ATP8A1: variants seen among roughly 807,000 people sequenced by gnomAD.
The protein encoded by ATP8A1 is ATPase phospholipid transporting 8A1.
ATP8A1 carries 90 observed loss-of-function variants against 177.7 expected under a neutral mutation model. The observed-to-expected ratio is 0.51, with a 90% CI of 0.43 to 0.60. ATP8A1 has a LOEUF of 0.60. Ranked by LOEUF, ATP8A1 falls within the 20% of genes least tolerant of loss-of-function variation. The probability of loss-of-function intolerance (pLI) is 0.00; values close to 1 mark genes in which losing one functional copy is unlikely to be tolerated. For synonymous variants in ATP8A1, 493 were observed against 485.9 expected, an observed-to-expected ratio of 1.01 and a Z score of -0.19; for missense variants, 1,072 against 1,392.8, an observed-to-expected ratio of 0.77 and a Z score of 3.67.
Position 42,639,620 on chromosome 4 carries a change from C to G in ATP8A1, c.50-12511G>C, listed in dbSNP as rs76940962. 3.9e-3 allele frequency among the ~76,000 whole-genome samples: 596 copies of G among 152,222 alleles called. 4 individuals are homozygous for G. The highest frequency in any genetic ancestry group is 0.013 in the African/African-American group (559 of 41,530). ...TAACTGCTCTAAATGAATTCCTAGC[C>G]TATAGTAAATACATATATGTATGTG... On this transcript the variant is annotated intron_variant, in intron 1 of 36. Coordinates refer to ENST00000381668, the MANE Select transcript of ATP8A1 (RefSeq NM_006095.2).
chr4:42,521,525 T>C (rs919135714), intron 22 of ATP8A1, among the ~76,000 whole-genome samples: 1 of 152,252 alleles, frequency 6.6e-6, no homozygotes, highest in African/African-American at 2.4e-5. Flanking sequence ...TCGATCATAA[T>C]GTATCCATCA....
chr4:42,530,029 T>C lies in ATP8A1; in HGVS notation c.1723-5182A>G, dbSNP rs992814055. Among the ~76,000 whole-genome samples, 104 of 152,160 alleles carry C rather than the reference T, an allele frequency of 6.8e-4. 2 individuals are homozygous for C. Among genetic ancestry groups the C allele is most frequent in the Non-Finnish European group, 2.8e-4 (19 of 68,026 alleles). ...TGAAGATATTTGTATCCCATGTGAGTGCTCACCAACGGGTAATCTCAGCAG... is the reference window on the plus strand; with the variant it reads ...TGAAGATATTTGTATCCCATGTGAGCGCTCACCAACGGGTAATCTCAGCAG... On this transcript the variant is annotated intron_variant, in intron 20 of 36. Transcript: ENST00000381668.
chr4:42,535,947 G>T (rs1159161444), intron 20 of ATP8A1, among the ~76,000 whole-genome samples: 1 of 152,010 alleles, frequency 6.6e-6, no homozygotes, highest in Non-Finnish European at 1.5e-5. Flanking sequence ...AAAACCTCTG[G>T]GACACAGCAC....
chr4:42,454,832 T>C (rs565123101), intron 29 of ATP8A1, among the ~76,000 whole-genome samples: 14 of 152,164 alleles, frequency 9.2e-5, no homozygotes, highest in Non-Finnish European at 1.6e-4. Context: ...AATCTAAAAT[T>C]CTAATGAGGA....
chr4:42,453,608 C>T (rs938420242), intron 29 of ATP8A1, among the ~76,000 whole-genome samples: 4 of 152,134 alleles, frequency 2.6e-5, no homozygotes, highest in African/African-American at 7.2e-5. Context: ...AAAATGTGTC[C>T]AAGTTGCCAT....
intron 27 of ATP8A1, chr4:42,459,339 CATT>C (rs1338032148): frequency 3.3e-4 from 56 of 167,486 alleles, no homozygotes; most frequent in African/African-American, 8.6e-4. Flanking sequence ...TTTATTTTCT[CATT>C]AGTACATAAA....
At chr4:42,592,110 G>A (rs922262898) in intron 6 of ATP8A1, among the ~76,000 whole-genome samples, 1 of 152,098 alleles carries the variant, frequency 6.6e-6, no homozygotes, top group African/African-American at 2.4e-5. Context: ...ACTGAAAGGT[G>A]GTACTCTGCT....
At chr4:42,492,074 T>TAA (rs1034745836) in intron 24 of ATP8A1, among the ~76,000 whole-genome samples, 14 of 152,198 alleles carry the variant, frequency 9.2e-5, no homozygotes, top group Admixed American at 3.3e-4. Flanking sequence ...AAATAACATG[T>TAA]GCTCTCTCAT....
intron 16 of ATP8A1, among the ~76,000 whole-genome samples, chr4:42,555,139 A>ATCTATCTATCTAATCTATCTATCT (rs1553903246): frequency 1.7e-5 from 1 of 59,550 alleles, no homozygotes; most frequent in African/African-American, 7.0e-5. Context: ...CTATCTATCT[A>ATCTATCTATCTAATCTATCTATCT]ATCTATCTAT....
intron 19 of ATP8A1, among the ~76,000 whole-genome samples, chr4:42,547,493 T>C (rs1387343893): frequency 6.6e-6 from 1 of 152,206 alleles, no homozygotes; most frequent in African/African-American, 2.4e-5. Context: ...TTTATTTTTT[T>C]CTTCATGGCA....
intron 22 of ATP8A1, among the ~76,000 whole-genome samples, chr4:42,515,928 GCTT>G (rs1725482841): frequency 2.0e-5 from 3 of 152,216 alleles, no homozygotes; most frequent in Admixed American, 2.0e-4. Context: ...AAAATTATTG[GCTT>G]CTTTTCTAAC....
chr4:42,555,931 TTCACTA>T, intron 16 of ATP8A1, 31 bp downstream of exon 16: 1 of 1,413,546 alleles, frequency 7.1e-7, no homozygotes, highest in Non-Finnish European at 9.9e-7. Context: ...TTAGTTTTTA[TTCACTA>T]ACAAAAAGAC....
chr4:42,466,854 T>A (rs1719825732), intron 25 of ATP8A1, among the ~76,000 whole-genome samples: 1 of 152,264 alleles, frequency 6.6e-6, no homozygotes, highest in South Asian at 2.1e-4. Flanking sequence ...TGTAGGCCAA[T>A]GTTTAAACCT....
chr4:42,590,672 A>G (rs1734073789), intron 7 of ATP8A1, 139 bp downstream of exon 7: 3 of 711,010 alleles, frequency 4.2e-6, no homozygotes, highest in Non-Finnish European at 7.2e-6. Flanking sequence ...CATCTGTGAA[A>G]TGTCCATCAC....
intron 25 of ATP8A1, among the ~76,000 whole-genome samples, chr4:42,479,847 G>A (rs989588147): frequency 1.3e-5 from 2 of 152,222 alleles, no homozygotes; most frequent in Non-Finnish European, 2.9e-5. Context: ...AAGGGAGCAT[G>A]AGGGGCTTCT....
chr4:42,590,995 A>C, intron 6 of ATP8A1, 111 bp from the exon 7 acceptor site: 2 of 945,886 alleles, frequency 2.1e-6, no homozygotes, highest in Non-Finnish European at 3.2e-6. Flanking sequence ...ATTATAGAAA[A>C]TAATACATGT....
intron 12 of ATP8A1, among the ~76,000 whole-genome samples, 181 bp downstream of exon 12, chr4:42,578,079 T>C (rs1577629605): frequency 6.6e-6 from 1 of 152,308 alleles, no homozygotes; most frequent in East Asian, 1.9e-4. Context: ...CCCTACAATG[T>C]CTGGCCTGTA....
At chr4:42,443,432 A>C in intron 33 of ATP8A1, 133 bp downstream of exon 33, 1 of 534,336 alleles carries the variant, frequency 1.9e-6, no homozygotes, top group Non-Finnish European at 3.4e-6. Flanking sequence ...GAATTTAAAA[A>C]CAGCTTTTAA....
chr4:42,538,554 C>T (rs1393337238), intron 20 of ATP8A1, among the ~76,000 whole-genome samples: 1 of 152,044 alleles, frequency 6.6e-6, no homozygotes, highest in Non-Finnish European at 1.5e-5. Context: ...AAACTCAAAT[C>T]AGCAAGAGGA....
Sources: gnomAD v4.1 joint callset for allele counts (sites outside exome capture counted in the v4.1 genomes callset) on GRCh38, gnomAD v4.1.1 for gene constraint, MANE v1.5 for transcripts, NCBI Gene and HGNC (gene_info 2026-07-23, HGNC 2026-07-21) for gene names.